The following ASB18 variants were observed in gnomAD, a reference collection of about 807,000 sequenced individuals.
ASB18 encodes the protein ankyrin repeat and SOCS box containing 18.
Under a neutral mutation model 33.4 loss-of-function variants are expected in ASB18, and 33 were observed. The observed-to-expected ratio is 0.99, with a 90% CI of 0.75 to 1.32. The LOEUF is 1.32. Among genes scored for constraint, ASB18 ranks in the 40% most tolerant of loss-of-function variants. The pLI, the probability that ASB18 is intolerant of heterozygous loss-of-function variation, is 0.00. For synonymous variants in ASB18, 295 were observed against 307.6 expected (o/e 0.96, Z 0.43); for missense variants, 694 against 655.5 (o/e 1.06, Z -0.64).
chr2:236,241,938 CTT>C lies in ASB18; in HGVS notation c.206-538_206-537del, dbSNP rs2060623255. On this transcript the variant is annotated intron_variant, in intron 1 of 5. Transcript: ENST00000409749. This position sits in a 1 kb window ranked among gnomAD's most constrained non-coding sequence, Gnocchi z 4.2. The stretch of plus-strand genomic sequence containing the variant: ...GTAAGTGACTCACTTACAAAAATGA[CTT>C]TGGTGACCAGAATACTTAGCAAATA... Among the ~76,000 whole-genome samples, 1 of 152,088 alleles carries C rather than the reference CTT, an allele frequency of 6.6e-6. No individual in the cohort carries two copies. Among genetic ancestry groups the C allele is most frequent in the Non-Finnish European group, 1.5e-5 (1 of 68,024 alleles).
In ASB18 at chr2:236,249,068, G is replaced by A. The variant is rs2060658215; in HGVS notation, c.206-7666C>T. 6.6e-6 allele frequency: 1 copy of A among 152,252 alleles called. No homozygotes were observed. Among genetic ancestry groups the A allele is most frequent in the African/African-American group, 2.4e-5 (1 of 41,468 alleles). The allele number at this position is 152,252 out of a possible 1,614,324, so 9.4% of individuals were successfully genotyped here. A position where few individuals can be genotyped will look rare whatever the true frequency, so the allele number is the denominator to read the frequency against. ...CCCAAATTTAGATGGCATAAATGCA[G>A]CAAATTATTTGAAAACATTCAAAGC... On this transcript the variant is annotated intron_variant, in intron 1 of 5. Coordinates refer to ENST00000409749, the MANE Select transcript of ASB18 (RefSeq NM_212556.4). This position sits in a 1 kb window ranked among gnomAD's most constrained non-coding sequence, Gnocchi z 4.6.
Position 236,219,477 on chromosome 2 carries a change from A to G in ASB18, c.597-4611T>C, listed in dbSNP as rs1489183922. Among the ~76,000 whole-genome samples the G allele has an allele frequency of 1.3e-5, 2 of 152,184 alleles. No individual in the cohort carries two copies. The highest frequency in any genetic ancestry group is 4.8e-5 in the African/African-American group (2 of 41,446). ...TTGGAACGTATGTATGGCAATGCCC[A>G]TGAGAAGGTGAGGAGAGGAGAGGCC... On this transcript the variant is annotated intron_variant, in intron 3 of 5. Transcript: ENST00000409749. This position sits in a 1 kb window ranked among gnomAD's most constrained non-coding sequence, Gnocchi z 6.4.
At chr2:236,202,794 A>ATAT (rs1553599230) in intron 4 of ASB18, among the ~76,000 whole-genome samples, 274 of 117,616 alleles carry the variant, frequency 2.3e-3, no homozygotes, top group African/African-American at 3.9e-3. Context: ...AAAAAAAAAA[A>ATAT]ATATATATAT....
rs749930126 is a variant in ASB18 at position 236,194,975 on chromosome 2, C to T, written c.1298G>A (p.Arg433His). The stretch of plus-strand genomic sequence containing the variant: ...AAAGCACCTTTTGCCAAACAGTCTG[C>T]GAAGAGCACAGCGGCAAAGATGCTG... The part of the protein sequence containing the change: ...CLQHLCRCAL[R>H]RLFGKRCFDL... The change falls in exon 6 of 6, where the codon CGC becomes CAC. Residue 433 changes from arginine to histidine, a missense_variant. By Grantham distance (29) the Arg-to-His change is conservative. Transcript: ENST00000409749. This position sits in a 1 kb window ranked among gnomAD's most constrained non-coding sequence, Gnocchi z 4.5. 3.3e-5 allele frequency: 53 copies of T among 1,613,748 alleles called. No homozygotes were observed. The highest frequency in any genetic ancestry group is 5.0e-5 in the Admixed American group (3 of 60,004).
rs954123937 is a variant in ASB18, at chr2:236,204,547, C to A, written c.1102-8162G>T. On this transcript the variant is annotated intron_variant, in intron 4 of 5. Coordinates refer to ENST00000409749, the MANE Select transcript of ASB18 (RefSeq NM_212556.4). The surrounding 1 kb of genome is among the most constrained non-coding windows in gnomAD (Gnocchi z 5.1). ...GTCACTGACCCTCAAAGGTATATCT[C>A]CAGGTTGGCCAAATCTCTCCCTCTC... Among the ~76,000 whole-genome samples the A allele has an allele frequency of 1.3e-5, 2 of 152,330 alleles. No individual in the cohort carries two copies. The highest frequency in any genetic ancestry group is 4.1e-4 in the South Asian group (2 of 4,822).
chr2:236,201,164 T>C (rs1228535078), intron 4 of ASB18, among the ~76,000 whole-genome samples: 1 of 151,938 alleles, frequency 6.6e-6, no homozygotes, highest in African/African-American at 2.4e-5. Context: ...CTTTCCTTCC[T>C]TTTTTGAGAC....
At chr2:236,254,553 ATTC>A (rs1395237887) in intron 1 of ASB18, among the ~76,000 whole-genome samples, 4 of 150,052 alleles carry the variant, frequency 2.7e-5, no homozygotes, top group Non-Finnish European at 4.4e-5. Flanking sequence ...CCCTGTTATT[ATTC>A]TTCTCTTCTC....
At position 236,196,438 on chromosome 2, in the gene ASB18, A is replaced by C; in HGVS notation, c.1102-53T>G. 1.8e-5 allele frequency: 15 copies of C among 852,396 alleles called. No individual in the cohort carries two copies. The highest frequency in any genetic ancestry group is 2.5e-5 in the Non-Finnish European group (13 of 520,644). The allele number at this position is 852,396 out of a possible 1,614,324, so 52.8% of individuals were successfully genotyped here. On this transcript the variant is annotated intron_variant, in intron 4 of 5. Coordinates refer to ENST00000409749, the MANE Select transcript of ASB18 (RefSeq NM_212556.4). This position sits in a 1 kb window ranked among gnomAD's most constrained non-coding sequence, Gnocchi z 5.6. The stretch of plus-strand genomic sequence containing the variant: ...GTAGGCCGACTGGGTTCTGGGTCTC[A>C]GTGGGGAAAGGGTGGGGGGTGTGGG...
Position 236,221,262 on chromosome 2 carries a change from A to G in ASB18, c.597-6396T>C, listed in dbSNP as rs1278149856. ...CAACAACAACAAACAGCTGCTAAAA[A>G]TAAGGCTGCATTCAAGACTCAAACG... is the stretch of plus-strand genomic sequence containing the variant. On this transcript the variant is annotated intron_variant, in intron 3 of 5. Transcript: ENST00000409749. This position sits in a 1 kb window ranked among gnomAD's most constrained non-coding sequence, Gnocchi z 5.6. 6.6e-6 allele frequency among the ~76,000 whole-genome samples: 1 copy of G among 152,164 alleles called. No homozygotes were observed. The highest frequency in any genetic ancestry group is 1.9e-4 in the East Asian group (1 of 5,194).
chr2:236,199,598 T>C (rs1309668428), intron 4 of ASB18, among the ~76,000 whole-genome samples: 1 of 151,542 alleles, frequency 6.6e-6, no homozygotes, highest in African/African-American at 2.4e-5. Flanking sequence ...AGGCTAGATC[T>C]TCACCGTATC....
rs67471309 is a variant in ASB18 at position 236,201,687 on chromosome 2, ATTT to A, written c.1102-5305_1102-5303del. On this transcript the variant is annotated intron_variant, in intron 4 of 5. Transcript: ENST00000409749. ...TTATGATTTGGAGCTACTGCACTTC[ATTT>A]TTTTTTTTTTTTGGCTCACTTGGTC... 3.8e-3 allele frequency among the ~76,000 whole-genome samples: 540 copies of A among 142,266 alleles called. 2 individuals carry two copies. Among genetic ancestry groups the A allele is most frequent in the Non-Finnish European group, 6.9e-3 (444 of 64,564 alleles). The allele number at this position is 142,266 out of a possible 152,430, so 93.3% of individuals were successfully genotyped here.
Position 236,196,716 on chromosome 2 carries a change from A to T in ASB18, c.1102-331T>A, listed in dbSNP as rs557668129. 2.4e-4 allele frequency among the ~76,000 whole-genome samples: 37 copies of T among 152,302 alleles called. No homozygotes were observed. The East Asian group carries it at 6.9e-3, about 29-fold the overall frequency. On this transcript the variant is annotated intron_variant, in intron 4 of 5. Coordinates refer to ENST00000409749, the MANE Select transcript of ASB18 (RefSeq NM_212556.4). This position sits in a 1 kb window ranked among gnomAD's most constrained non-coding sequence, Gnocchi z 5.6. ...TGGCAGGCCTCCTTGGCCCCCAGAGAGCTGCTCAGAGAAAAGGAATGAAGT... is the reference window on the plus strand; with the variant it reads ...TGGCAGGCCTCCTTGGCCCCCAGAGTGCTGCTCAGAGAAAAGGAATGAAGT...
Position 236,234,743 on chromosome 2 carries a change from A to T in ASB18, c.596+2946T>A, listed in dbSNP as rs914288544. Among the ~76,000 whole-genome samples, 3 of 152,244 alleles carry T rather than the reference A, an allele frequency of 2.0e-5. No individual in the cohort carries two copies. The highest frequency in any genetic ancestry group is 2.9e-5 in the Non-Finnish European group (2 of 68,034). ...CTGTCAGATATCCACATGCAAAAATAAATAAAAAAGCTTCAATCCCTACCT... is the reference window on the plus strand; with the variant it reads ...CTGTCAGATATCCACATGCAAAAATTAATAAAAAAGCTTCAATCCCTACCT... On this transcript the variant is annotated intron_variant, in intron 3 of 5. Coordinates refer to ENST00000409749, the MANE Select transcript of ASB18 (RefSeq NM_212556.4). The surrounding 1 kb of genome is among the most constrained non-coding windows in gnomAD (Gnocchi z 4.1).
rs1161808208 is a variant in ASB18 at position 236,209,800 on chromosome 2, C to A, written c.1101+4562G>T. 1.3e-5 allele frequency among the ~76,000 whole-genome samples: 2 copies of A among 152,254 alleles called. No homozygotes were observed. Among genetic ancestry groups the A allele is most frequent in the Non-Finnish European group, 2.9e-5 (2 of 68,046 alleles). The stretch of plus-strand genomic sequence containing the variant: ...CCCAGGCCCTTAAGGCCCTGCCTGG[C>A]TGCCTAGTCTCAACTGGTGCCCCCT... On this transcript the variant is annotated intron_variant, in intron 4 of 5. Transcript: ENST00000409749. This position sits in a 1 kb window ranked among gnomAD's most constrained non-coding sequence, Gnocchi z 4.4.
chr2:236,243,184 G>A (rs975136643), intron 1 of ASB18, among the ~76,000 whole-genome samples: 1 of 151,772 alleles, frequency 6.6e-6, no homozygotes, highest in Non-Finnish European at 1.5e-5. Context: ...CAAAAAATTA[G>A]CTGGGTGTGG....
chr2:236,259,947 C>A lies in ASB18; in HGVS notation c.205+4194G>T, dbSNP rs1161308995. Among the ~76,000 whole-genome samples the A allele has an allele frequency of 6.6e-6, 1 of 152,190 alleles. No homozygotes were observed. Among genetic ancestry groups the A allele is most frequent in the Non-Finnish European group, 1.5e-5 (1 of 68,034 alleles). On this transcript the variant is annotated intron_variant, in intron 1 of 5. Coordinates refer to ENST00000409749, the MANE Select transcript of ASB18 (RefSeq NM_212556.4). This position sits in a 1 kb window ranked among gnomAD's most constrained non-coding sequence, Gnocchi z 4.4. ...ACTTCTCCAGAAAAAGCCCTTTCCACCATTGGATGCCACTTTTTCTCTATG... is the reference window on the plus strand; with the variant it reads ...ACTTCTCCAGAAAAAGCCCTTTCCAACATTGGATGCCACTTTTTCTCTATG...
In ASB18 at chr2:236,201,334, T is replaced by C. The variant is rs570374145; in HGVS notation, c.1102-4949A>G. On this transcript the variant is annotated intron_variant, in intron 4 of 5. Coordinates refer to ENST00000409749, the MANE Select transcript of ASB18 (RefSeq NM_212556.4). ...GCCAGGCTAATTTAAAAATTTTTTTTGTAGAGACAAGGTCTCACTATGCTG... is the reference window on the plus strand; with the variant it reads ...GCCAGGCTAATTTAAAAATTTTTTTCGTAGAGACAAGGTCTCACTATGCTG... 6.6e-5 allele frequency among the ~76,000 whole-genome samples: 10 copies of C among 152,160 alleles called. No individual in the cohort carries two copies. In the South Asian group the frequency reaches 2.1e-3, roughly 32 times the overall value.
rs1286782793 is a variant in ASB18 at position 236,213,191 on chromosome 2, C to G, written c.1101+1171G>C. Among the ~76,000 whole-genome samples, 1 of 151,944 alleles carries G rather than the reference C, an allele frequency of 6.6e-6. No individual in the cohort carries two copies. Among genetic ancestry groups the G allele is most frequent in the Non-Finnish European group, 1.5e-5 (1 of 68,034 alleles). The stretch of plus-strand genomic sequence containing the variant: ...ATTGCCTTAGTGGAGCACCACAAGA[C>G]AATTACCCAAAGAGGGGGTGAGACA... On this transcript the variant is annotated intron_variant, in intron 4 of 5. Transcript: ENST00000409749. The surrounding 1 kb of genome is among the most constrained non-coding windows in gnomAD (Gnocchi z 4.8).
rs142660434 is a variant in ASB18 at position 236,240,691 on chromosome 2, G to A, written c.328+589C>T. Among the ~76,000 whole-genome samples, 937 of 152,302 alleles carry A rather than the reference G, an allele frequency of 6.2e-3. 6 individuals carry two copies. Among genetic ancestry groups the A allele is most frequent in the Non-Finnish European group, 8.4e-3 (569 of 68,020 alleles). ...TGGGAGGTCTGCTTGTCCGCCCAGC[G>A]CACAGTGACCATGTTCAGGCAGCAA... On this transcript the variant is annotated intron_variant, in intron 2 of 5. Transcript: ENST00000409749.
Sources: allele counts gnomAD v4.1 joint callset (sites outside exome capture counted in the v4.1 genomes callset), GRCh38; gene constraint gnomAD v4.1.1; non-coding constraint Gnocchi (gnomAD v3.1); transcripts MANE v1.5; gene names NCBI Gene and HGNC (gene_info 2026-07-23, HGNC 2026-07-21).